Variants in DAB1 observed in about 807,000 individuals in gnomAD.
DAB1 encodes disabled homolog 1.
A neutral mutation model predicts 64.6 loss-of-function variants in DAB1; 15 were observed. The ratio of observed to expected loss-of-function variants is 0.23; its 90% CI spans 0.16 to 0.36. The LOEUF (loss-of-function observed/expected upper bound fraction) is 0.36, where lower values mean the gene tolerates loss of function less well. DAB1 is among the 10% of genes least tolerant of loss of function. DAB1 has a pLI of 1.00. For missense variants in DAB1, 596 were observed against 706.7 expected, an observed-to-expected ratio of 0.84 and a Z score of 1.78; for synonymous variants, 235 against 251.9, an observed-to-expected ratio of 0.93 and a Z score of 0.64.
chr1:57,050,199 G>C (rs1649039588), intron 9 of DAB1, among the ~76,000 whole-genome samples: 1 of 152,128 alleles, frequency 6.6e-6, no homozygotes, highest in Non-Finnish European at 1.5e-5. Context: ...ACCTGGCATG[G>C]GATCTGTTTT....
At chr1:57,894,336 G>A (rs1329379919) in intron 5 of DAB1, among the ~76,000 whole-genome samples, 2 of 152,174 alleles carry the variant, frequency 1.3e-5, no homozygotes, top group Admixed American at 6.5e-5. Flanking sequence ...ACATTGCTGA[G>A]GACCTGCATG....
At chr1:57,422,363 A>AGGGCTCGCCCCC (rs993951494) in intron 1 of DAB1, among the ~76,000 whole-genome samples, 5 of 152,156 alleles carry the variant, frequency 3.3e-5, no homozygotes, top group Non-Finnish European at 5.9e-5. Flanking sequence ...AGCTCGCAGG[A>AGGGCTCGCCCCC]GGGCTCGCCC....
chr1:58,029,291 G>C (rs906581948), intron 5 of DAB1, among the ~76,000 whole-genome samples: 2 of 152,192 alleles, frequency 1.3e-5, no homozygotes, highest in Non-Finnish European at 2.9e-5. Context: ...GAGAGCAAAA[G>C]AAGTACTTAC....
chr1:58,289,979 A>C (rs1292178512), intron 4 of DAB1, among the ~76,000 whole-genome samples: 1 of 152,224 alleles, frequency 6.6e-6, no homozygotes, highest in African/African-American at 2.4e-5. Flanking sequence ...CATTATGGAA[A>C]GAGAGCCCTG....
At chr1:58,260,714 A>G (rs906535760) in intron 4 of DAB1, among the ~76,000 whole-genome samples, 4 of 152,174 alleles carry the variant, frequency 2.6e-5, no homozygotes, top group Non-Finnish European at 4.4e-5. Flanking sequence ...TCTAATCACT[A>G]TGTGTTGTCC....
chr1:58,458,016 G>T (rs1645208049), intron 3 of DAB1, among the ~76,000 whole-genome samples: 1 of 152,136 alleles, frequency 6.6e-6, no homozygotes, highest in African/African-American at 2.4e-5. Context: ...TTTATGTCAG[G>T]CACTGTACTA....
chr1:58,344,224 G>A (rs934579833), intron 3 of DAB1, among the ~76,000 whole-genome samples: 7 of 152,148 alleles, frequency 4.6e-5, no homozygotes, highest in African/African-American at 7.2e-5. Context: ...ACTAATTAAT[G>A]TTATAGCAAG....
chr1:58,247,895 C>T (rs911792719), intron 4 of DAB1, among the ~76,000 whole-genome samples: 3 of 150,322 alleles, frequency 2.0e-5, no homozygotes, highest in African/African-American at 7.3e-5. Flanking sequence ...TTTCTCTTAG[C>T]TCTGCCCCCT....
chr1:57,622,760 A>T (rs1046877853), intron 7 of DAB1, among the ~76,000 whole-genome samples: 1 of 152,174 alleles, frequency 6.6e-6, no homozygotes, highest in African/African-American at 2.4e-5. Context: ...TGAGGACTAG[A>T]TGGGATTTTC....
chr1:58,141,956 A>T (rs1475087509), intron 5 of DAB1, among the ~76,000 whole-genome samples: 1 of 152,100 alleles, frequency 6.6e-6, no homozygotes, highest in Non-Finnish European at 1.5e-5. Context: ...GTTAGACACA[A>T]CTTTACTCAG....
At chr1:58,256,148 G>A (rs1388802522) in intron 4 of DAB1, among the ~76,000 whole-genome samples, 6 of 152,200 alleles carry the variant, frequency 3.9e-5, no homozygotes, top group Admixed American at 3.9e-4. Flanking sequence ...TCTCACAGGT[G>A]TGTTTTCTCC....
intron 7 of DAB1, among the ~76,000 whole-genome samples, chr1:57,613,871 C>A (rs1204122522): frequency 1.3e-5 from 2 of 152,114 alleles, no homozygotes; most frequent in African/African-American, 4.8e-5. Flanking sequence ...TAGCTTCAGT[C>A]CTGGGCAAGT....
chr1:58,497,178 A>G (rs1461297495), intron 3 of DAB1, among the ~76,000 whole-genome samples: 1 of 152,030 alleles, frequency 6.6e-6, no homozygotes. Context: ...AGAATCTACA[A>G]TGTGGGATTA....
chr1:58,373,157 G>A (rs1236921), intron 3 of DAB1, among the ~76,000 whole-genome samples: 6,248 of 148,734 alleles, frequency 0.042, 445 homozygotes, highest in African/African-American at 0.15. Context: ...AAAGCATCCA[G>A]CTTACTATTT....
chr1:58,245,244 T>G (rs978942122), intron 4 of DAB1, among the ~76,000 whole-genome samples: 4 of 152,212 alleles, frequency 2.6e-5, no homozygotes, highest in African/African-American at 9.7e-5. Flanking sequence ...TCAGTCACTG[T>G]ACTAAAGTGA....
intron 7 of DAB1, among the ~76,000 whole-genome samples, chr1:57,623,584 G>C (rs1645887525): frequency 6.6e-6 from 1 of 152,138 alleles, no homozygotes; most frequent in Admixed American, 6.5e-5. Flanking sequence ...ATATTGTTAG[G>C]CTCTGTAAAC....
upstream of DAB1, among the ~76,000 whole-genome samples, chr1:57,427,591 G>T (rs1685338248): frequency 6.6e-6 from 1 of 152,104 alleles, no homozygotes; most frequent in African/African-American, 2.4e-5. Context: ...AGCCCATTTT[G>T]TGTATTATAT....
chr1:57,887,604 T>C (rs1644243502), upstream of DAB1, among the ~76,000 whole-genome samples: 1 of 152,228 alleles, frequency 6.6e-6, no homozygotes, highest in South Asian at 2.1e-4. Flanking sequence ...AAGCTATTGA[T>C]GCTTTAGTGA....
At chr1:57,086,075 A>C (rs61765271) in intron 4 of DAB1, among the ~76,000 whole-genome samples, 1 of 152,168 alleles carries the variant, frequency 6.6e-6, no homozygotes, top group Non-Finnish European at 1.5e-5. Context: ...ACAGTCTTTG[A>C]AGGTGACAAG....
Sources: gnomAD v4.1 joint callset for allele counts (sites outside exome capture counted in the v4.1 genomes callset) on GRCh38, gnomAD v4.1.1 for gene constraint, MANE v1.5 for transcripts, NCBI Gene and HGNC (gene_info 2026-07-23, HGNC 2026-07-21) for gene names.